The following NKAIN2 variants were observed in gnomAD, a reference collection of about 807,000 sequenced individuals.
NKAIN2 encodes sodium/potassium-transporting ATPase subunit beta-1-interacting protein 2.
NKAIN2 carries 14 observed loss-of-function variants against 32.6 expected under a neutral mutation model. The ratio of observed to expected loss-of-function variants is 0.43; its 90% CI spans 0.28 to 0.67. NKAIN2 has a LOEUF of 0.67. NKAIN2 is among the 30% of genes least tolerant of loss of function. The pLI, the probability that NKAIN2 is intolerant of heterozygous loss-of-function variation, is 0.17. For missense variants in NKAIN2, 198 were observed against 258.3 expected (o/e 0.77, Z 1.60); for synonymous variants, 80 against 87.2 (o/e 0.92, Z 0.46).
chr6:124,677,983 T>C (rs959042254), intron 4 of NKAIN2, among the ~76,000 whole-genome samples: 4 of 152,168 alleles, frequency 2.6e-5, no homozygotes, highest in Admixed American at 6.5e-5. Flanking sequence ...TTGTCAGATT[T>C]AGCATTTTTT....
chr6:124,266,438 C>A (rs1011695757), intron 1 of NKAIN2, among the ~76,000 whole-genome samples: 3 of 151,954 alleles, frequency 2.0e-5, no homozygotes, highest in African/African-American at 7.3e-5. Context: ...CCACCACACC[C>A]GGCTAATTTT....
intron 1 of NKAIN2, among the ~76,000 whole-genome samples, chr6:123,903,077 A>G (rs1582747481): frequency 1.3e-5 from 2 of 152,346 alleles, no homozygotes; most frequent in Non-Finnish European, 2.9e-5. Context: ...AGTAACAGCA[A>G]TGAATTATGG....
chr6:123,981,844 G>C (rs1778912615), intron 1 of NKAIN2, among the ~76,000 whole-genome samples: 3 of 152,162 alleles, frequency 2.0e-5, no homozygotes, highest in South Asian at 2.1e-4. Context: ...AGCAGGCAAA[G>C]GGAGCAGAAG....
intron 4 of NKAIN2, among the ~76,000 whole-genome samples, chr6:124,748,138 G>C (rs1393217361): frequency 6.6e-6 from 1 of 151,876 alleles, no homozygotes; most frequent in African/African-American, 2.4e-5. Context: ...TACAAGTATC[G>C]TTGCAGAACA....
chr6:123,914,463 A>G (rs1403689576), intron 1 of NKAIN2, among the ~76,000 whole-genome samples: 1 of 152,170 alleles, frequency 6.6e-6, no homozygotes, highest in Non-Finnish European at 1.5e-5. Context: ...GGGACCCACC[A>G]TTATGGCTTT....
intron 1 of NKAIN2, among the ~76,000 whole-genome samples, chr6:124,220,556 A>G (rs1791762245): frequency 7.9e-6 from 1 of 127,372 alleles, no homozygotes; most frequent in Non-Finnish European, 1.7e-5. Flanking sequence ...TATATATTGC[A>G]TATCTTTGTG....
rs114061053 is a variant in NKAIN2 at position 124,641,271 on chromosome 6, G to T, written c.274-16915G>T. The stretch of plus-strand genomic sequence containing the variant: ...AGGCTTTCATAAAAATGCAATATTT[G>T]TAGCAATACTCAGAATGCAAAAAGA... On this transcript the variant is annotated intron_variant, in intron 3 of 6. Transcript: ENST00000368417. 6.3e-3 allele frequency among the ~76,000 whole-genome samples: 966 copies of T among 152,198 alleles called. 14 individuals are homozygous for T. Among genetic ancestry groups the T allele is most frequent in the African/African-American group, 0.022 (926 of 41,540 alleles).
At chr6:124,335,986 A>G (rs993346146) in intron 2 of NKAIN2, among the ~76,000 whole-genome samples, 3 of 152,208 alleles carry the variant, frequency 2.0e-5, no homozygotes, top group African/African-American at 4.8e-5. Flanking sequence ...TTAATTCTCT[A>G]TTTAGTTGAA....
chr6:124,008,931 C>T (rs1255680799), intron 1 of NKAIN2, among the ~76,000 whole-genome samples: 3 of 152,148 alleles, frequency 2.0e-5, no homozygotes, highest in Non-Finnish European at 2.9e-5. Context: ...TTGCCAGTAG[C>T]TGTGACTATT....
intron 1 of NKAIN2, among the ~76,000 whole-genome samples, chr6:124,044,071 C>T (rs896792480): frequency 6.6e-6 from 1 of 151,968 alleles, no homozygotes; most frequent in African/African-American, 2.4e-5. Flanking sequence ...AGAGAAGCTG[C>T]TTTAGATCCT....
chr6:124,578,656 A>T (rs1394659029), intron 3 of NKAIN2, among the ~76,000 whole-genome samples: 1 of 152,092 alleles, frequency 6.6e-6, no homozygotes, highest in Non-Finnish European at 1.5e-5. Flanking sequence ...CATCACCCTG[A>T]AGGGAAGAAA....
At chr6:123,887,350 C>T (rs1773772635) in intron 1 of NKAIN2, among the ~76,000 whole-genome samples, 1 of 152,096 alleles carries the variant, frequency 6.6e-6, no homozygotes, top group African/African-American at 2.4e-5. Flanking sequence ...TTCCAGCTTT[C>T]ACTTTATTGC....
intron 1 of NKAIN2, among the ~76,000 whole-genome samples, chr6:123,953,540 C>T (rs1178728376): frequency 1.3e-5 from 2 of 152,196 alleles, no homozygotes; most frequent in African/African-American, 2.4e-5. Flanking sequence ...GACCAGTCCT[C>T]GGACCTATAG....
At chr6:124,240,654 A>G (rs1196231517) in intron 1 of NKAIN2, among the ~76,000 whole-genome samples, 1 of 152,194 alleles carries the variant, frequency 6.6e-6, no homozygotes, top group African/African-American at 2.4e-5. Flanking sequence ...GCACATGATT[A>G]TCTCAATAGA....
At position 124,273,183 on chromosome 6, in the gene NKAIN2, T is replaced by A. The variant is rs368676653; in HGVS notation, c.55-9822T>A. Among the ~76,000 whole-genome samples, 33 of 152,266 alleles carry A rather than the reference T, an allele frequency of 2.2e-4. 2 individuals carry two copies. The South Asian group carries it at 6.4e-3, about 30-fold the overall frequency. Reference sequence around the variant, plus strand: ...TTTGGAAGAGGTGGAATGATATGTTTTGGTTTTGTGTCCCCACCCAAATCT... The same window carrying A: ...TTTGGAAGAGGTGGAATGATATGTTATGGTTTTGTGTCCCCACCCAAATCT... On this transcript the variant is annotated intron_variant, in intron 1 of 6. Coordinates refer to ENST00000368417, the MANE Select transcript of NKAIN2 (RefSeq NM_001040214.3).
chr6:124,213,294 C>A (rs1384382923), intron 1 of NKAIN2, among the ~76,000 whole-genome samples: 1 of 152,078 alleles, frequency 6.6e-6, no homozygotes, highest in African/African-American at 2.4e-5. Context: ...TACAAATCTG[C>A]ATTGGGTACT....
chr6:124,202,211 T>C (rs1218343983), intron 1 of NKAIN2, among the ~76,000 whole-genome samples: 2 of 151,966 alleles, frequency 1.3e-5, no homozygotes, highest in Non-Finnish European at 2.9e-5. Context: ...AGATTACACA[T>C]TAAGCATTTA....
At chr6:124,248,285 C>A (rs1793520894) in intron 1 of NKAIN2, among the ~76,000 whole-genome samples, 1 of 151,952 alleles carries the variant, frequency 6.6e-6, no homozygotes, top group South Asian at 2.1e-4. Flanking sequence ...TTTTAAGTTG[C>A]CTTCCACTTA....
In NKAIN2 at chr6:123,953,150, C is replaced by T. The variant is rs543892537; in HGVS notation, c.54+148896C>T. On this transcript the variant is annotated intron_variant, in intron 1 of 6. Transcript: ENST00000368417. ...TCATTCCTTTGGTTGTTATCTGCACCAGTCCTGTCTGTGACTTCCTCAGTG... is the reference window on the plus strand; with the variant it reads ...TCATTCCTTTGGTTGTTATCTGCACTAGTCCTGTCTGTGACTTCCTCAGTG... 2.0e-4 allele frequency among the ~76,000 whole-genome samples: 31 copies of T among 152,220 alleles called. No individual in the cohort carries two copies. In the East Asian group the frequency reaches 5.0e-3, roughly 25 times the overall value.
Sources: allele counts gnomAD v4.1 joint callset (sites outside exome capture counted in the v4.1 genomes callset), GRCh38; gene constraint gnomAD v4.1.1; transcripts MANE v1.5; gene names NCBI Gene and HGNC (gene_info 2026-07-23, HGNC 2026-07-21).